Variants in DTHD1 observed in about 807,000 individuals in gnomAD.
DTHD1 encodes death domain containing 1, also known as death domain-containing protein 1.
Under a neutral mutation model 74.8 loss-of-function variants are expected in DTHD1, and 59 were observed. That is an observed-to-expected ratio of 0.79 (90% confidence interval 0.64 to 0.98). The LOEUF is 0.98. DTHD1 is among the 50% of genes least tolerant of loss of function. The pLI is 0.00. For synonymous variants in DTHD1, 365 were observed against 371.1 expected, an observed-to-expected ratio of 0.98 and a Z score of 0.19; for missense variants, 1,051 against 1,065.4, an observed-to-expected ratio of 0.99 and a Z score of 0.19.
intron 3 of DTHD1, among the ~76,000 whole-genome samples, chr4:36,292,312 AGAG>A (rs371307504): frequency 7.9e-5 from 12 of 151,764 alleles, no homozygotes; most frequent in African/African-American, 2.7e-4. Flanking sequence ...AAAGCAAAAA[AGAG>A]AGAGAGAGAG....
chr4:36,308,109 G>A, intron 6 of DTHD1, 95 bp from the exon 7 acceptor site: 11 of 1,189,892 alleles, frequency 9.2e-6, no homozygotes, highest in Non-Finnish European at 1.3e-5. Flanking sequence ...AAAGACGTCT[G>A]TTTGATATGA....
At chr4:36,316,545 A>G (rs750385906) in intron 8 of DTHD1, 59 bp downstream of exon 8, 13 of 1,468,838 alleles carry the variant, frequency 8.9e-6, no homozygotes, top group Non-Finnish European at 1.2e-5. Context: ...ATTCTGTAAC[A>G]CAATCAGTTT....
At chr4:36,332,084 C>T (rs1427703897) in intron 8 of DTHD1, among the ~76,000 whole-genome samples, 1 of 152,042 alleles carries the variant, frequency 6.6e-6, no homozygotes, top group Non-Finnish European at 1.5e-5. Flanking sequence ...GAGTTCAAGG[C>T]TGAGGCAGGA....
intron 7 of DTHD1, among the ~76,000 whole-genome samples, chr4:36,312,137 T>C (rs1037847893): frequency 6.6e-6 from 1 of 152,052 alleles, no homozygotes; most frequent in African/African-American, 2.4e-5. Context: ...ACTTGGATTA[T>C]TGCATGTTAT....
At chr4:36,308,106 T>C in intron 6 of DTHD1, 98 bp from the exon 7 acceptor site, 2 of 1,140,804 alleles carry the variant, frequency 1.8e-6, no homozygotes, top group Non-Finnish European at 2.4e-6. Flanking sequence ...TTAAAAGACG[T>C]CTGTTTGATA....
intron 7 of DTHD1, among the ~76,000 whole-genome samples, chr4:36,309,963 G>A (rs1757296817): frequency 6.6e-6 from 1 of 152,106 alleles, no homozygotes; most frequent in Non-Finnish European, 1.5e-5. Flanking sequence ...TAGGTTTTCT[G>A]TTTCTGCATT....
chr4:36,282,670 C>T (rs965574862), intron 1 of DTHD1, among the ~76,000 whole-genome samples: 3 of 152,190 alleles, frequency 2.0e-5, no homozygotes, highest in South Asian at 2.1e-4. Context: ...AACAGTTACT[C>T]CAGATAAGCA....
chr4:36,316,561 T>G, intron 8 of DTHD1, 75 bp downstream of exon 8: 1 of 1,394,748 alleles, frequency 7.2e-7, no homozygotes, highest in Non-Finnish European at 9.6e-7. Flanking sequence ...AGTTTTTCAG[T>G]CATAGAGACA....
chr4:36,333,994 T>G (rs1758852984), intron 8 of DTHD1: 1 of 152,236 alleles, frequency 6.6e-6, no homozygotes, highest in Non-Finnish European at 1.5e-5. Context: ...ATCAATATTT[T>G]TATTACTACA....
chr4:36,299,576 G>T (rs761835799), intron 5 of DTHD1, among the ~76,000 whole-genome samples: 1 of 152,164 alleles, frequency 6.6e-6, no homozygotes, highest in Admixed American at 6.5e-5. Flanking sequence ...TTTCTGAAAA[G>T]TTCTTATGTG....
At chr4:36,313,712 T>A (rs1245746769) in intron 7 of DTHD1, among the ~76,000 whole-genome samples, 2 of 152,228 alleles carry the variant, frequency 1.3e-5, no homozygotes, top group Non-Finnish European at 2.9e-5. Flanking sequence ...AGGTCTCAAT[T>A]GAACCAGTGT....
chr4:36,328,473 T>C (rs1342928759), intron 8 of DTHD1, among the ~76,000 whole-genome samples: 1 of 152,198 alleles, frequency 6.6e-6, no homozygotes, highest in African/African-American at 2.4e-5. Context: ...AAAAACCGTG[T>C]GTGTGTGTCC....
chr4:36,287,342 C>T (rs891280950), intron 2 of DTHD1, among the ~76,000 whole-genome samples: 2 of 152,120 alleles, frequency 1.3e-5, no homozygotes, highest in Admixed American at 1.3e-4. Context: ...TATTCCAGGG[C>T]ATGATATAAA....
At chr4:36,296,456 A>G (rs1359813108) in intron 5 of DTHD1, among the ~76,000 whole-genome samples, 1 of 152,164 alleles carries the variant, frequency 6.6e-6, no homozygotes, top group Non-Finnish European at 1.5e-5. Flanking sequence ...TCAAAAGTAA[A>G]AATTTATATG....
chr4:36,299,023 A>G (rs1756604219), intron 5 of DTHD1, among the ~76,000 whole-genome samples: 1 of 152,180 alleles, frequency 6.6e-6, no homozygotes, highest in South Asian at 2.1e-4. Flanking sequence ...ATTATTGATA[A>G]AAGTATGCAT....
At chr4:36,289,854 T>C (rs1197021811) in intron 2 of DTHD1, among the ~76,000 whole-genome samples, 2 of 152,060 alleles carry the variant, frequency 1.3e-5, no homozygotes, top group African/African-American at 4.8e-5. Context: ...TTTACAGTTC[T>C]TTTGTATCTT....
At chr4:36,325,593 A>G (rs1299219195) in intron 8 of DTHD1, among the ~76,000 whole-genome samples, 2 of 152,180 alleles carry the variant, frequency 1.3e-5, no homozygotes, top group African/African-American at 4.8e-5. Context: ...AAAAGAACAG[A>G]GTTAGAGAGA....
At chr4:36,314,571 G>A (rs977161461) in intron 7 of DTHD1, among the ~76,000 whole-genome samples, 1 of 151,344 alleles carries the variant, frequency 6.6e-6, no homozygotes, top group Non-Finnish European at 1.5e-5. Context: ...AGTCCCAGCT[G>A]CTTGGGAGGC....
At chr4:36,343,372 CAT>C (rs1759425937) in intron 9 of DTHD1, 128 bp from the exon 10 acceptor site, 1 of 790,972 alleles carries the variant, frequency 1.3e-6, no homozygotes, top group South Asian at 2.1e-5. Flanking sequence ...CAGGTAGTCT[CAT>C]ATCTCTGCAC....
Sources: allele counts gnomAD v4.1 joint callset (sites outside exome capture counted in the v4.1 genomes callset), GRCh38; gene constraint gnomAD v4.1.1; transcripts MANE v1.5; gene names NCBI Gene and HGNC (gene_info 2026-07-23, HGNC 2026-07-21).